SIRT4: variants seen among roughly 807,000 people sequenced by gnomAD.
SIRT4 encodes NAD-dependent protein lipoamidase sirtuin-4, mitochondrial.
SIRT4 carries 23 observed loss-of-function variants against 26.1 expected under a neutral mutation model. The ratio of observed to expected loss-of-function variants is 0.88; its 90% CI spans 0.63 to 1.25. The LOEUF (loss-of-function observed/expected upper bound fraction) is 1.25. SIRT4 is among the 50% of genes most tolerant of loss of function. The probability of loss-of-function intolerance (pLI) is 0.00; values close to 1 mark genes in which losing one functional copy is unlikely to be tolerated. For synonymous variants in SIRT4, 155 were observed against 158.4 expected, an observed-to-expected ratio of 0.98 and a Z score of 0.16; for missense variants, 361 against 405.4, an observed-to-expected ratio of 0.89 and a Z score of 0.94.
the SIRT4 span, among the ~76,000 whole-genome samples, chr12:120,292,874 T>C: frequency 6.7e-6 from 1 of 149,124 alleles, no homozygotes; most frequent in Non-Finnish European, 1.5e-5. Context: ...ACCGCCCTGC[T>C]TTTACCTTAA....
intron 2 of SIRT4, among the ~76,000 whole-genome samples, chr12:120,305,089 G>A (rs897095769): frequency 7.3e-5 from 11 of 151,486 alleles, no homozygotes; most frequent in Admixed American, 1.3e-4. Context: ...GGGAGGTAGA[G>A]GTTGCAGTGA....
chr12:120,296,270 T>C, the SIRT4 span, among the ~76,000 whole-genome samples: 1 of 151,144 alleles, frequency 6.6e-6, no homozygotes, highest in South Asian at 2.1e-4. Flanking sequence ...CAGGCTGGAG[T>C]GCAGTGGCGC....
rs567064529 is a variant in SIRT4 at position 120,307,780 on chromosome 12, C to A, written c.497+3722C>A. On this transcript the variant is annotated intron_variant, in intron 2 of 3. Transcript: ENST00000202967. ...GGCTGAGACAGGAGAATCATTTGAA[C>A]CCGGGAGGCAGAGGTTGTAATGAGC... Among the ~76,000 whole-genome samples the A allele has an allele frequency of 6.5e-4, 99 of 152,122 alleles. 2 individuals carry two copies. The highest frequency in any genetic ancestry group is 5.9e-4 in the Admixed American group (9 of 15,248).
upstream of SIRT4, among the ~76,000 whole-genome samples, chr12:120,298,137 G>T (rs536959340): frequency 2.7e-5 from 4 of 145,772 alleles, no homozygotes; most frequent in African/African-American, 1.0e-4. Flanking sequence ...CGGAGGTTGC[G>T]GTGAGCCAAG....
Position 120,303,784 on chromosome 12 carries a change from A to G in SIRT4, c.223A>G (p.Arg75Gly), listed in dbSNP as rs1447562140. The G allele has an allele frequency of 1.2e-6, 2 of 1,614,134 alleles. No individual in the cohort carries two copies. Among genetic ancestry groups the G allele is most frequent in the Admixed American group, 3.3e-5 (2 of 60,010 alleles). The change falls in exon 2 of 4, where the codon AGG (arginine) becomes GGG (glycine). Residue 75 changes from arginine to glycine, a missense_variant. Physicochemically the swap from Arg to Gly is moderately radical, Grantham distance 125 (BLOSUM62 -2). Coordinates refer to ENST00000202967, the MANE Select transcript of SIRT4 (RefSeq NM_012240.3). ...ISTESGIPDY[R>G]SEKVGLYART... The stretch of plus-strand genomic sequence containing the variant: ...CACCGAATCGGGGATACCAGACTAC[A>G]GGTCAGAAAAAGTGGGGCTTTATGC...
At chr12:120,295,955 C>T in the SIRT4 span, among the ~76,000 whole-genome samples, 2 of 150,504 alleles carry the variant, frequency 1.3e-5, no homozygotes, top group Admixed American at 6.6e-5. Context: ...GGCGTGGTGG[C>T]GCTTGCCTGT....
chr12:120,298,920 T>TAAATAA (rs1872437078), upstream of SIRT4, among the ~76,000 whole-genome samples: 2 of 130,022 alleles, frequency 1.5e-5, no homozygotes, highest in South Asian at 4.7e-4. Flanking sequence ...AATAAATAAA[T>TAAATAA]AAATAAATAA....
intron 2 of SIRT4, 130 bp from the exon 3 acceptor site, chr12:120,312,326 G>A: frequency 1.2e-6 from 1 of 842,398 alleles, no homozygotes; most frequent in African/African-American, 1.7e-5. Flanking sequence ...GGCTAAAATG[G>A]GGTGGGGATT....
chr12:120,310,812 T>G (rs1872930310), intron 2 of SIRT4, among the ~76,000 whole-genome samples: 2 of 150,712 alleles, frequency 1.3e-5, no homozygotes. Context: ...CTCGGCTCAC[T>G]GCAAGCTCCG....
chr12:120,304,803 TTATATATATATATA>T (rs1254801981), intron 2 of SIRT4, among the ~76,000 whole-genome samples: 6 of 60,404 alleles, frequency 9.9e-5, no homozygotes, highest in South Asian at 6.5e-4. Context: ...AAAGTAAATT[TTATATATATATATA>T]TATATATATA....
intron 2 of SIRT4, 75 bp from the exon 3 acceptor site, chr12:120,312,381 T>C (rs1873012847): frequency 1.4e-6 from 2 of 1,394,578 alleles, no homozygotes; most frequent in East Asian, 4.6e-5. Context: ...TGAAAATGGT[T>C]GGAGATGAAA....
At position 120,312,797 on chromosome 12, in the gene SIRT4, G is replaced by A. The variant is rs199547110; in HGVS notation, c.792+47G>A. On this transcript the variant is annotated intron_variant, in intron 3 of 3. Transcript: ENST00000202967. The stretch of plus-strand genomic sequence containing the variant: ...GTAACCACCCCTTGTGCGGGATTGG[G>A]AGTCCTGGAGAGACACCCTGTTTGG... The A allele has an allele frequency of 1.1e-4, 184 of 1,605,020 alleles. No individual in the cohort carries two copies. The African/African-American group carries it at 2.0e-3, about 18-fold the overall frequency.
At chr12:120,309,399 C>T (rs181818168) in intron 2 of SIRT4, among the ~76,000 whole-genome samples, 1 of 151,200 alleles carries the variant, frequency 6.6e-6, no homozygotes, top group Non-Finnish European at 1.5e-5. Flanking sequence ...TTCACAGGGG[C>T]CTTTTTTTCT....
Position 120,312,504 on chromosome 12 carries a change from A to C in SIRT4, c.546A>C (p.Gln182His). 6.2e-7 allele frequency: 1 copy of C among 1,614,010 alleles called. No homozygotes were observed. Among genetic ancestry groups the C allele is most frequent in the Non-Finnish European group, 8.5e-7 (1 of 1,179,988 alleles). The change falls in exon 3 of 4, where the codon CAA (glutamine) becomes CAC (histidine). Residue 182 changes from glutamine (Q) to histidine (H), a missense_variant. Physicochemically the swap from Gln to His is conservative, Grantham distance 24. Coordinates refer to ENST00000202967, the MANE Select transcript of SIRT4 (RefSeq NM_012240.3). Reference protein sequence around the residue: ...CGEQTPRGVLQERFQVLNPTW... With the variant: ...CGEQTPRGVLHERFQVLNPTW... ...AACAGACTCCCCGGGGGGTGCTGCA[A>C]GAGCGTTTCCAAGTCCTGAACCCCA...
chr12:120,292,324 T>G, the SIRT4 span, among the ~76,000 whole-genome samples: 8 of 152,106 alleles, frequency 5.3e-5, no homozygotes, highest in Non-Finnish European at 1.0e-4. Context: ...AGAACACGGC[T>G]GGGCGCGGTG....
At chr12:120,300,527 C>G (rs1419744011), upstream of SIRT4, among the ~76,000 whole-genome samples, 1 of 152,138 alleles carries the variant, frequency 6.6e-6, no homozygotes, top group Admixed American at 6.6e-5. Flanking sequence ...CTCACTGCAG[C>G]CTCGATCTCC....
At chr12:120,310,297 C>T (rs1250247014) in intron 2 of SIRT4, among the ~76,000 whole-genome samples, 2 of 152,010 alleles carry the variant, frequency 1.3e-5, no homozygotes, top group Admixed American at 6.6e-5. Context: ...GCCCAGGAGG[C>T]GGAGGTTGCA....
intron 2 of SIRT4, among the ~76,000 whole-genome samples, chr12:120,311,474 G>A (rs1872968646): frequency 6.6e-6 from 1 of 151,782 alleles, no homozygotes; most frequent in Admixed American, 6.6e-5. Context: ...GCTCACACCT[G>A]TAATCCCAGC....
chr12:120,306,680 G>A (rs1373712961), intron 2 of SIRT4, among the ~76,000 whole-genome samples: 9 of 152,100 alleles, frequency 5.9e-5, no homozygotes, highest in African/African-American at 1.9e-4. Flanking sequence ...GCGCACGCCT[G>A]TAGTCTCAGC....
Sources: allele counts gnomAD v4.1 joint callset (sites outside exome capture counted in the v4.1 genomes callset), GRCh38; gene constraint gnomAD v4.1.1; transcripts MANE v1.5; gene names NCBI Gene and HGNC (gene_info 2026-07-23, HGNC 2026-07-21).